Variants in PRCP observed in about 807,000 individuals in gnomAD.
The protein encoded by PRCP is prolylcarboxypeptidase.
A neutral mutation model predicts 54.2 loss-of-function variants in PRCP; 46 were observed. That is an observed-to-expected ratio of 0.85 (90% CI 0.67 to 1.09). The LOEUF (loss-of-function observed/expected upper bound fraction) is 1.09. Among genes scored for constraint, PRCP ranks in the 50% least tolerant of loss-of-function variants. The pLI is 0.00. For synonymous variants in PRCP, 240 were observed against 212.2 expected (o/e 1.13, Z -1.14); for missense variants, 613 against 596.8 (o/e 1.03, Z -0.28).
intron 8 of PRCP, among the ~76,000 whole-genome samples, chr11:82,834,075 T>C (rs954495740): frequency 6.6e-6 from 1 of 152,228 alleles, no homozygotes; most frequent in African/African-American, 2.4e-5. Flanking sequence ...AACGAGCTTC[T>C]TGCCCTTCCA....
intron 6 of PRCP, among the ~76,000 whole-genome samples, chr11:82,847,562 T>A (rs1858837138): frequency 6.6e-6 from 1 of 152,142 alleles, no homozygotes; most frequent in Admixed American, 6.5e-5. Flanking sequence ...GATGAACTAG[T>A]TTAGATTTAG....
rs552298283 is a variant in PRCP at position 82,889,016 on chromosome 11, C to T, written c.168+11219G>A. 1.1e-4 allele frequency among the ~76,000 whole-genome samples: 13 copies of T among 121,990 alleles called. No homozygotes were observed. The East Asian group carries it at 2.1e-3, about 20-fold the overall frequency. The allele number at this position is 121,990 out of a possible 152,430, so 80.0% of individuals were successfully genotyped here. A position where few individuals can be genotyped will look rare whatever the true frequency, so the allele number is the denominator to read the frequency against. On this transcript the variant is annotated intron_variant, in intron 1 of 8. Transcript: ENST00000313010. ...CACAAGGCTAGAATAAGACATGTGC[C>T]ATAAAAGTACAAAAAAAGATTTGAC...
rs376322984 is a variant in PRCP at position 82,896,334 on chromosome 11, C to T, written c.168+3901G>A. Among the ~76,000 whole-genome samples, 49 of 152,198 alleles carry T rather than the reference C, an allele frequency of 3.2e-4. No individual in the cohort carries two copies. In the East Asian group the frequency reaches 5.4e-3, roughly 17 times the overall value. On this transcript the variant is annotated intron_variant, in intron 1 of 8. Coordinates refer to ENST00000313010, the MANE Select transcript of PRCP (RefSeq NM_005040.4). ...TGGATGAGATTAACATTTATATCAGCGGACTTTAAATCAGTGGACTTTACC... is the reference window on the plus strand; with the variant it reads ...TGGATGAGATTAACATTTATATCAGTGGACTTTAAATCAGTGGACTTTACC...
At chr11:82,874,060 T>C (rs1859541758) in intron 1 of PRCP, among the ~76,000 whole-genome samples, 1 of 152,172 alleles carries the variant, frequency 6.6e-6, no homozygotes, top group African/African-American at 2.4e-5. Context: ...TAAATGATAA[T>C]GGCGCTGTAA....
At chr11:82,874,939 T>G (rs1174103801) in intron 1 of PRCP, among the ~76,000 whole-genome samples, 1 of 151,990 alleles carries the variant, frequency 6.6e-6, no homozygotes, top group East Asian at 1.9e-4. Context: ...AGCTATATTA[T>G]AATCTTTTCA....
chr11:82,869,271 C>T (rs1859419830), intron 1 of PRCP, among the ~76,000 whole-genome samples: 1 of 150,316 alleles, frequency 6.7e-6, no homozygotes, highest in African/African-American at 2.4e-5. Flanking sequence ...TCAGAGGATC[C>T]CTTGAGCCCA....
intron 1 of PRCP, 119 bp from the exon 2 acceptor site, chr11:82,860,236 T>A: frequency 1.6e-6 from 1 of 619,376 alleles, no homozygotes; most frequent in Non-Finnish European, 2.4e-6. Context: ...CACAAGAAAT[T>A]TTAAACTTCA....
intron 6 of PRCP, among the ~76,000 whole-genome samples, chr11:82,841,937 T>C (rs1858682091): frequency 6.6e-6 from 1 of 152,254 alleles, no homozygotes; most frequent in South Asian, 2.1e-4. Context: ...GGACATAGAT[T>C]CAGCTCTTTC....
At chr11:82,869,887 C>T (rs567018652) in intron 1 of PRCP, among the ~76,000 whole-genome samples, 1 of 152,296 alleles carries the variant, frequency 6.6e-6, no homozygotes, top group South Asian at 2.1e-4. Context: ...GAACCCAAGC[C>T]TTAAATCTAA....
At chr11:82,881,373 T>A (rs1485502891) in intron 1 of PRCP, among the ~76,000 whole-genome samples, 1 of 152,162 alleles carries the variant, frequency 6.6e-6, no homozygotes, top group East Asian at 1.9e-4. Context: ...AAGATGTAAT[T>A]ACAGTTCAGG....
chr11:82,839,353 T>A lies in PRCP; in HGVS notation c.994A>T (p.Asn332Tyr), dbSNP rs769703405. The change falls in exon 7 of 9, where the codon AAT becomes TAT. Residue 332 changes from asparagine (N) to tyrosine (Y), a missense_variant. Transcript: ENST00000313010. Reference sequence around the variant, plus strand: ...TGGCCCGAATAATTGTAATATACATTCAGAGCTTGGAAAATATTCTGCAGC... The same window carrying A: ...TGGCCCGAATAATTGTAATATACATACAGAGCTTGGAAAATATTCTGCAGC... ...LLLQNIFQAL[N>Y]VYYNYSGQVK... 2.3e-5 allele frequency: 37 copies of A among 1,613,806 alleles called. No homozygotes were observed. The highest frequency in any genetic ancestry group is 3.3e-5 in the Admixed American group (2 of 59,996).
intron 2 of PRCP, among the ~76,000 whole-genome samples, chr11:82,857,481 C>T (rs1268448030): frequency 1.3e-5 from 2 of 152,212 alleles, no homozygotes; most frequent in Non-Finnish European, 2.9e-5. Context: ...GATCTCCTTG[C>T]TAGAACCATC....
chr11:82,896,678 C>CAAAAAA (rs68047129), intron 1 of PRCP, among the ~76,000 whole-genome samples: 25 of 55,636 alleles, frequency 4.5e-4, no homozygotes, highest in Non-Finnish European at 6.0e-4. Flanking sequence ...GACTCCAACT[C>CAAAAAA]AAAAAAAAAA....
intron 6 of PRCP, among the ~76,000 whole-genome samples, chr11:82,847,839 C>G (rs942339461): frequency 6.6e-6 from 1 of 152,120 alleles, no homozygotes; most frequent in Non-Finnish European, 1.5e-5. Flanking sequence ...AGCAATCCTC[C>G]CACCTCGGCC....
chr11:82,872,903 G>A (rs1859512240), intron 1 of PRCP, among the ~76,000 whole-genome samples: 1 of 152,130 alleles, frequency 6.6e-6, no homozygotes, highest in East Asian at 1.9e-4. Context: ...AAGAGCCAGA[G>A]GCCAGAAAGA....
intron 1 of PRCP, among the ~76,000 whole-genome samples, chr11:82,887,233 T>C (rs143064492): frequency 3.9e-4 from 60 of 152,362 alleles, no homozygotes; most frequent in Admixed American, 1.3e-3. Context: ...GATCCCATTA[T>C]AGACATCTCA....
At chr11:82,855,915 T>G (rs1413328085) in intron 2 of PRCP, among the ~76,000 whole-genome samples, 1 of 152,180 alleles carries the variant, frequency 6.6e-6, no homozygotes, top group Non-Finnish European at 1.5e-5. Context: ...CGATATAAAT[T>G]AGTTCAGCCA....
intron 8 of PRCP, chr11:82,830,310 T>C (rs1858346708): frequency 6.6e-6 from 1 of 151,704 alleles, no homozygotes; most frequent in Non-Finnish European, 1.5e-5. Context: ...ATTAAGTATA[T>C]GTGTGTTTGT....
intron 1 of PRCP, among the ~76,000 whole-genome samples, chr11:82,881,648 T>C (rs908076592): frequency 3.9e-5 from 6 of 152,088 alleles, no homozygotes; most frequent in African/African-American, 1.4e-4. Flanking sequence ...AATTATATGG[T>C]ACAAACTGGT....
Sources: gnomAD v4.1 joint callset for allele counts (sites outside exome capture counted in the v4.1 genomes callset) on GRCh38, gnomAD v4.1.1 for gene constraint, MANE v1.5 for transcripts, NCBI Gene and HGNC (gene_info 2026-07-23, HGNC 2026-07-21) for gene names.